Variants in LHX4 observed in about 807,000 individuals in gnomAD.
LHX4 encodes LIM/homeobox protein Lhx4.
Under a neutral mutation model 39.2 loss-of-function variants are expected in LHX4, and 16 were observed. The observed-to-expected ratio is 0.41, with a 90% CI of 0.28 to 0.62. The LOEUF (loss-of-function observed/expected upper bound fraction) is 0.62, where lower values mean the gene tolerates loss of function less well. LHX4 is among the 20% of genes least tolerant of loss of function. The probability of loss-of-function intolerance (pLI) is 0.33; values close to 1 mark genes in which losing one functional copy is unlikely to be tolerated. For synonymous variants in LHX4, 206 were observed against 198.1 expected (o/e 1.04, Z -0.33); for missense variants, 439 against 511.9 (o/e 0.86, Z 1.37).
At chr1:180,258,718 C>T (rs1405620190) in intron 2 of LHX4, among the ~76,000 whole-genome samples, 3 of 152,126 alleles carry the variant, frequency 2.0e-5, no homozygotes, top group African/African-American at 7.2e-5. Context: ...GCGGGAGGAT[C>T]TCTTGAGCCC....
At position 180,271,124 on chromosome 1, in the gene LHX4, C is replaced by A. The variant is rs536823400; in HGVS notation, c.452-256C>A. 10 of 552,862 alleles carry A rather than the reference C, an allele frequency of 1.8e-5. No homozygotes were observed. In the African/African-American group the frequency reaches 1.9e-4, roughly 10 times the overall value. The allele number at this position is 552,862 out of a possible 1,614,324, so 34.2% of individuals were successfully genotyped here. A position where few individuals can be genotyped will look rare whatever the true frequency, so the allele number is the denominator to read the frequency against. On this transcript the variant is annotated intron_variant, in intron 3 of 5. Transcript: ENST00000263726. ...TGAGACTTCTGTGCAGCTGGGCTGG[C>A]AGGGGAGGGTTGAGGCAGGGAGCTG...
chr1:180,251,619 T>C (rs1647630781), intron 2 of LHX4, among the ~76,000 whole-genome samples: 1 of 152,206 alleles, frequency 6.6e-6, no homozygotes, highest in African/African-American at 2.4e-5. Context: ...CTGCAACAAG[T>C]AAATTATCCA....
At position 180,234,759 on chromosome 1, in the gene LHX4, G is replaced by A. The variant is rs1664271931; in HGVS notation, c.76+4154G>A. 6.6e-6 allele frequency among the ~76,000 whole-genome samples: 1 copy of A among 152,266 alleles called. No homozygotes were observed. Among genetic ancestry groups the A allele is most frequent in the Non-Finnish European group, 1.5e-5 (1 of 68,040 alleles). ...TGAGAAGAAGCAGGACCTAACTCAAGTTTATTTCCTCTCTTGGCCGAGGTC... is the reference window on the plus strand; with the variant it reads ...TGAGAAGAAGCAGGACCTAACTCAAATTTATTTCCTCTCTTGGCCGAGGTC... On this transcript the variant is annotated intron_variant, in intron 1 of 5. Coordinates refer to ENST00000263726, the MANE Select transcript of LHX4 (RefSeq NM_033343.4). This position sits in a 1 kb window ranked among gnomAD's most constrained non-coding sequence, Gnocchi z 4.8.
At chr1:180,270,930 G>A (rs1241211315) in intron 3 of LHX4, 1 of 259,190 alleles carries the variant, frequency 3.9e-6, no homozygotes, top group Admixed American at 4.9e-5. Flanking sequence ...CATGGCTGTG[G>A]GGAAATGGGA....
intron 2 of LHX4, among the ~76,000 whole-genome samples, chr1:180,257,145 A>T (rs1647891893): frequency 6.6e-6 from 1 of 152,112 alleles, no homozygotes; most frequent in Admixed American, 6.5e-5. Context: ...AATGGACGGG[A>T]GAGTTGGGCT....
intron 1 of LHX4, among the ~76,000 whole-genome samples, chr1:180,240,627 C>T (rs975538903): frequency 2.6e-5 from 4 of 152,084 alleles, no homozygotes; most frequent in Non-Finnish European, 4.4e-5. Flanking sequence ...TTCATGGTGG[C>T]CCCTGGTTCC....
At chr1:180,256,131 G>A (rs1319514381) in intron 2 of LHX4, among the ~76,000 whole-genome samples, 2 of 152,214 alleles carry the variant, frequency 1.3e-5, no homozygotes, top group Admixed American at 1.3e-4. Flanking sequence ...CAGCCTCTGT[G>A]CCTTCAGGCC....
intron 2 of LHX4, among the ~76,000 whole-genome samples, chr1:180,257,253 G>C (rs980900498): frequency 4.6e-5 from 7 of 152,188 alleles, no homozygotes; most frequent in African/African-American, 1.7e-4. Context: ...TTAGGGCCTT[G>C]GACTAGGTCA....
chr1:180,229,135 C>T (rs1052064391), upstream of LHX4, among the ~76,000 whole-genome samples: 7 of 152,234 alleles, frequency 4.6e-5, no homozygotes, highest in Admixed American at 6.5e-5. Context: ...TCTACCTGTC[C>T]ATGCATCTCG....
upstream of LHX4, among the ~76,000 whole-genome samples, chr1:180,228,440 C>T (rs1033242237): frequency 1.1e-4 from 16 of 152,122 alleles, no homozygotes; most frequent in African/African-American, 3.6e-4. Flanking sequence ...TCTAGGATGC[C>T]CCTCCCGCGC....
intron 1 of LHX4, among the ~76,000 whole-genome samples, chr1:180,247,437 G>A (rs1484998844): frequency 2.6e-5 from 4 of 152,190 alleles, no homozygotes; most frequent in Non-Finnish European, 5.9e-5. Flanking sequence ...TGCTTCTGCT[G>A]TGACTGATCA....
intron 2 of LHX4, among the ~76,000 whole-genome samples, chr1:180,249,373 A>G (rs558099528): frequency 1.3e-5 from 2 of 152,326 alleles, no homozygotes; most frequent in Admixed American, 1.3e-4. Flanking sequence ...CTCTCCCAGA[A>G]TCTATTACCC....
upstream of LHX4, among the ~76,000 whole-genome samples, chr1:180,230,127 A>G (rs978276603): frequency 3.3e-5 from 5 of 151,860 alleles, no homozygotes; most frequent in Admixed American, 3.3e-4. The surrounding 1 kb of genome is among the most constrained non-coding windows in gnomAD (Gnocchi z 5.8). Context: ...CTCCCTGCGG[A>G]AAGCGACGTC....
chr1:180,274,037 A>AT, intron 5 of LHX4, 148 bp from the exon 6 acceptor site: 1 of 932,354 alleles, frequency 1.1e-6, no homozygotes, highest in Non-Finnish European at 1.7e-6. Flanking sequence ...TCAGGCTGCC[A>AT]TATTGGTGTG....
At position 180,230,512 on chromosome 1, in the gene LHX4, G is replaced by C; in HGVS notation, c.-18G>C. 1 of 1,609,842 alleles carries C rather than the reference G, an allele frequency of 6.2e-7. No homozygotes were observed. The highest frequency in any genetic ancestry group is 8.5e-7 in the Non-Finnish European group (1 of 1,176,720). On this transcript the variant is annotated 5_prime_UTR_variant, in exon 1 of 6. Coordinates refer to ENST00000263726, the MANE Select transcript of LHX4 (RefSeq NM_033343.4). The surrounding 1 kb of genome is among the most constrained non-coding windows in gnomAD (Gnocchi z 5.8). ...GAGAGATCTCCGTAGACTGCGACTC[G>C]CTGGCTTTCGCTCCGAGATGATGCA...
chr1:180,259,476 G>A (rs822724), intron 2 of LHX4, among the ~76,000 whole-genome samples: 8,812 of 151,832 alleles, frequency 0.058, 347 homozygotes, highest in African/African-American at 0.064. Flanking sequence ...CAGGGGCTGG[G>A]GCCCCGGGTG....
chr1:180,247,520 C>A (rs1360390627), intron 1 of LHX4, among the ~76,000 whole-genome samples: 1 of 152,140 alleles, frequency 6.6e-6, no homozygotes, highest in African/African-American at 2.4e-5. Flanking sequence ...GGAGCCTGCC[C>A]CTCAGCTATC....
chr1:180,247,582 G>A (rs1302137567), intron 1 of LHX4, among the ~76,000 whole-genome samples: 1 of 152,176 alleles, frequency 6.6e-6, no homozygotes, highest in Non-Finnish European at 1.5e-5. Context: ...GCATTTGATT[G>A]GAAGACTCAA....
Position 180,274,717 on chromosome 1 carries a change from C to G in LHX4, c.*138C>G. ...TTTCAATGGAAGTCCTCCGCTGATTCCTAGAAGGCTGTGAGACCACACTAG... is the reference window on the plus strand; with the variant it reads ...TTTCAATGGAAGTCCTCCGCTGATTGCTAGAAGGCTGTGAGACCACACTAG... On this transcript the variant is annotated 3_prime_UTR_variant, in exon 6 of 6. Transcript: ENST00000263726. The G allele has an allele frequency of 9.4e-7, 1 of 1,060,212 alleles. No individual in the cohort carries two copies. The highest frequency in any genetic ancestry group is 1.7e-5 in the South Asian group (1 of 60,544). The allele number at this position is 1,060,212 out of a possible 1,614,324, so 65.7% of individuals were successfully genotyped here. A position where few individuals can be genotyped will look rare whatever the true frequency, so the allele number is the denominator to read the frequency against.
Sources: gnomAD v4.1 joint callset for allele counts (sites outside exome capture counted in the v4.1 genomes callset) on GRCh38, gnomAD v4.1.1 for gene constraint, Gnocchi (gnomAD v3.1) non-coding constraint, MANE v1.5 for transcripts, NCBI Gene and HGNC (gene_info 2026-07-23, HGNC 2026-07-21) for gene names.